The following RNF220 variants were observed in gnomAD, a reference collection of about 807,000 sequenced individuals.
RNF220 encodes the protein E3 ubiquitin-protein ligase RNF220.
RNF220 carries 7 observed loss-of-function variants against 67.1 expected under a neutral mutation model. The observed-to-expected ratio is 0.10, with a 90% CI of 0.06 to 0.20. The LOEUF (loss-of-function observed/expected upper bound fraction) is 0.20, where lower values mean the gene tolerates loss of function less well. Ranked by LOEUF, RNF220 falls within the 10% of genes least tolerant of loss-of-function variation. The pLI is 1.00. For missense variants in RNF220, 565 were observed against 740.3 expected, an observed-to-expected ratio of 0.76 and a Z score of 2.75; for synonymous variants, 270 against 283.2, an observed-to-expected ratio of 0.95 and a Z score of 0.47.
At chr1:44,458,304 T>A (rs1306956758) in intron 2 of RNF220, among the ~76,000 whole-genome samples, 1 of 150,168 alleles carries the variant, frequency 6.7e-6, no homozygotes, top group African/African-American at 2.4e-5. Context: ...TGAAATAGCC[T>A]CTGCACAGAC....
At chr1:44,491,376 G>A (rs6679840) in intron 2 of RNF220, among the ~76,000 whole-genome samples, 3,493 of 152,048 alleles carry the variant, frequency 0.023, 156 homozygotes, top group African/African-American at 0.08. Context: ...AGCCAGTGAC[G>A]TATAAAAAAA....
At chr1:44,494,712 A>G (rs747313785) in intron 2 of RNF220, among the ~76,000 whole-genome samples, 2 of 152,234 alleles carry the variant, frequency 1.3e-5, no homozygotes, top group African/African-American at 2.4e-5. Flanking sequence ...TTTCTTGGGA[A>G]GCAGACTCCA....
intron 2 of RNF220, among the ~76,000 whole-genome samples, chr1:44,583,386 T>A (rs983028524): frequency 6.6e-6 from 1 of 152,182 alleles, no homozygotes; most frequent in South Asian, 2.1e-4. Flanking sequence ...GGATGAAGCC[T>A]CACTTCTCCC....
At chr1:44,460,744 G>A (rs765763224) in intron 2 of RNF220, among the ~76,000 whole-genome samples, 8 of 152,218 alleles carry the variant, frequency 5.3e-5, no homozygotes, top group Admixed American at 2.6e-4. Flanking sequence ...TAAAGAGGCC[G>A]TGCTGGTACA....
intron 2 of RNF220, among the ~76,000 whole-genome samples, chr1:44,496,264 G>A (rs536886618): frequency 6.6e-6 from 1 of 152,070 alleles, no homozygotes. Context: ...AAATCCCAGT[G>A]AAGCTGGGGA....
intron 2 of RNF220, among the ~76,000 whole-genome samples, chr1:44,446,779 A>G (rs1273586767): frequency 6.6e-6 from 1 of 152,100 alleles, no homozygotes; most frequent in African/African-American, 2.4e-5. Flanking sequence ...GGCTGATCTC[A>G]AACTCCTGAC....
chr1:44,538,460 T>A (rs1661410733), intron 2 of RNF220, among the ~76,000 whole-genome samples: 1 of 152,236 alleles, frequency 6.6e-6, no homozygotes, highest in Non-Finnish European at 1.5e-5. Flanking sequence ...CATCTAGAAG[T>A]GAGCTGGCTG....
chr1:44,558,887 T>A (rs1384088152), intron 2 of RNF220, among the ~76,000 whole-genome samples: 1 of 152,206 alleles, frequency 6.6e-6, no homozygotes, highest in South Asian at 2.1e-4. Flanking sequence ...GACCTTAGCT[T>A]AAAGTTCGTT....
chr1:44,493,003 T>C (rs537195623), intron 2 of RNF220, among the ~76,000 whole-genome samples: 4 of 152,206 alleles, frequency 2.6e-5, no homozygotes, highest in Non-Finnish European at 5.9e-5. Context: ...AGCATTCTTC[T>C]TGCCTCAGCT....
chr1:44,482,830 A>C (rs1572639222), intron 2 of RNF220, among the ~76,000 whole-genome samples: 1 of 151,446 alleles, frequency 6.6e-6, no homozygotes, highest in East Asian at 1.9e-4. Context: ...TATGTTGGCC[A>C]GGATGGTCTC....
chr1:44,492,224 T>A (rs1557978072), intron 2 of RNF220, among the ~76,000 whole-genome samples: 1 of 152,218 alleles, frequency 6.6e-6, no homozygotes, highest in Non-Finnish European at 1.5e-5. Flanking sequence ...GAGTCTGCTT[T>A]GCACCCATTA....
chr1:44,571,739 C>T (rs1664461119), intron 2 of RNF220, among the ~76,000 whole-genome samples: 1 of 152,206 alleles, frequency 6.6e-6, no homozygotes, highest in Non-Finnish European at 1.5e-5. Context: ...TTTCCAGCCA[C>T]CTACAGGACA....
intron 2 of RNF220, among the ~76,000 whole-genome samples, chr1:44,547,692 C>T (rs760171010): frequency 2.0e-5 from 3 of 152,134 alleles, no homozygotes; most frequent in African/African-American, 4.8e-5. Context: ...CCAAATCTGA[C>T]CTCGTGCTGC....
intron 2 of RNF220, among the ~76,000 whole-genome samples, chr1:44,451,503 A>G (rs143960548): frequency 2.9e-4 from 44 of 152,236 alleles, no homozygotes; most frequent in African/African-American, 9.4e-4. Context: ...CCATTACATT[A>G]TGATATTAAT....
chr1:44,629,802 C>T (rs1477710187), intron 5 of RNF220, among the ~76,000 whole-genome samples: 2 of 152,194 alleles, frequency 1.3e-5, no homozygotes, highest in Non-Finnish European at 2.9e-5. Flanking sequence ...AGAGAAGGAA[C>T]AGAAGTTCAC....
At chr1:44,614,448 C>T in intron 3 of RNF220, 151 bp downstream of exon 3, 1 of 874,988 alleles carries the variant, frequency 1.1e-6, no homozygotes, top group Non-Finnish European at 1.7e-6. Flanking sequence ...TTTCAATCCT[C>T]AGATCTTTCC....
intron 2 of RNF220, among the ~76,000 whole-genome samples, chr1:44,581,575 C>G (rs1398093297): frequency 2.0e-5 from 3 of 152,194 alleles, no homozygotes; most frequent in Admixed American, 2.0e-4. Context: ...AAGTCAGGAC[C>G]AAACCCTCAG....
At chr1:44,546,235 T>C (rs1329421351) in intron 2 of RNF220, among the ~76,000 whole-genome samples, 1 of 152,114 alleles carries the variant, frequency 6.6e-6, no homozygotes, top group Middle Eastern at 3.2e-3. Context: ...CCCAGCCTCT[T>C]CATGGCCAGT....
chr1:44,635,705 C>T (rs1426116383), intron 7 of RNF220, 117 bp downstream of exon 7: 3 of 1,545,886 alleles, frequency 1.9e-6, no homozygotes, highest in African/African-American at 2.7e-5. Context: ...TTCCCCGCTC[C>T]CTTCCCCCGA....
Sources: gnomAD v4.1 joint callset for allele counts (sites outside exome capture counted in the v4.1 genomes callset) on GRCh38, gnomAD v4.1.1 for gene constraint, MANE v1.5 for transcripts, NCBI Gene and HGNC (gene_info 2026-07-23, HGNC 2026-07-21) for gene names.